The following FGF14 variants were observed in gnomAD, a reference collection of about 807,000 sequenced individuals.
FGF14 encodes the protein fibroblast growth factor 14.
A neutral mutation model predicts 25.5 loss-of-function variants in FGF14; 5 were observed. That is an observed-to-expected ratio of 0.20 (90% confidence interval 0.10 to 0.41). The LOEUF (loss-of-function observed/expected upper bound fraction) is 0.41. Among genes scored for constraint, FGF14 ranks in the 10% least tolerant of loss-of-function variants. The pLI, the probability that FGF14 is intolerant of heterozygous loss-of-function variation, is 1.00. For missense variants in FGF14, 222 were observed against 320.1 expected (o/e 0.69, Z 2.34); for synonymous variants, 138 against 118.3 (o/e 1.17, Z -1.08).
chr13:102,334,633 A>T (rs1004911027), intron 1 of FGF14, among the ~76,000 whole-genome samples: 17 of 152,174 alleles, frequency 1.1e-4, no homozygotes, highest in African/African-American at 4.1e-4. Context: ...TAGTTGGGAT[A>T]AAAAAAGTGT....
At chr13:102,366,176 T>C (rs753687004) in intron 1 of FGF14, among the ~76,000 whole-genome samples, 12 of 152,160 alleles carry the variant, frequency 7.9e-5, no homozygotes, top group Non-Finnish European at 1.3e-4. Context: ...CTGCTGCCTT[T>C]CACTGGAGTT....
At chr13:101,751,250 C>A (rs140068087) in intron 3 of FGF14, among the ~76,000 whole-genome samples, 1 of 151,994 alleles carries the variant, frequency 6.6e-6, no homozygotes, top group East Asian at 1.9e-4. Context: ...AAATTTGTAC[C>A]ATACTAATGT....
At chr13:102,355,286 C>T (rs568831497) in intron 1 of FGF14, among the ~76,000 whole-genome samples, 11 of 152,230 alleles carry the variant, frequency 7.2e-5, no homozygotes, top group East Asian at 5.8e-4. Flanking sequence ...GTCACATTAA[C>T]GACTGTTCAA....
At chr13:101,977,174 C>T (rs2037978257) in intron 1 of FGF14, among the ~76,000 whole-genome samples, 1 of 148,252 alleles carries the variant, frequency 6.7e-6, no homozygotes, top group African/African-American at 2.5e-5. Context: ...TAACAACACC[C>T]ATGAGGATCC....
At chr13:101,924,839 G>A (rs1038047328) in intron 1 of FGF14, among the ~76,000 whole-genome samples, 1 of 152,132 alleles carries the variant, frequency 6.6e-6, no homozygotes, top group Non-Finnish European at 1.5e-5. Flanking sequence ...CCACCCAGAA[G>A]TCAGCTATTT....
chr13:102,088,581 A>G (rs980652702), intron 1 of FGF14, among the ~76,000 whole-genome samples: 3 of 152,210 alleles, frequency 2.0e-5, no homozygotes, highest in Non-Finnish European at 4.4e-5. Context: ...TCACTGCAAT[A>G]TTTTCTAACT....
rs555484407 is a variant in FGF14 at position 102,167,067 on chromosome 13, G to A, written c.208+234404C>T. ...TGTAATCCCAGCACTTTGGGAGGCC[G>A]AGGCAGGTGGATCACCTGAGGTCAG... On this transcript the variant is annotated intron_variant, in intron 1 of 4. Coordinates refer to the FGF14 transcript ENST00000376131. Among the ~76,000 whole-genome samples the A allele has an allele frequency of 1.6e-4, 24 of 152,144 alleles. No homozygotes were observed. In the South Asian group the frequency reaches 5.0e-3, roughly 32 times the overall value.
chr13:102,160,371 A>AC (rs1361460692), intron 1 of FGF14, among the ~76,000 whole-genome samples: 1 of 151,528 alleles, frequency 6.6e-6, no homozygotes, highest in Non-Finnish European at 1.5e-5. Context: ...CATCCAGTCC[A>AC]CCCCCCAGAA....
intron 1 of FGF14, among the ~76,000 whole-genome samples, chr13:102,095,505 G>T (rs2044353257): frequency 6.6e-6 from 1 of 152,154 alleles, no homozygotes; most frequent in Admixed American, 6.6e-5. Context: ...AAAGCAAAAA[G>T]TTATACAGAA....
intron 1 of FGF14, among the ~76,000 whole-genome samples, chr13:102,190,825 G>T (rs940068546): frequency 6.6e-6 from 1 of 152,074 alleles, no homozygotes; most frequent in Non-Finnish European, 1.5e-5. Context: ...GAAATTCAAA[G>T]ATTCTTTATT....
chr13:102,317,926 T>G (rs1333550732), intron 1 of FGF14, among the ~76,000 whole-genome samples: 1 of 152,198 alleles, frequency 6.6e-6, no homozygotes, highest in East Asian at 1.9e-4. Flanking sequence ...CCAGCTCAGA[T>G]AAATCCTCCC....
At chr13:102,101,111 G>GA (rs79230981) in intron 1 of FGF14, among the ~76,000 whole-genome samples, 1,453 of 132,578 alleles carry the variant, frequency 0.011, 14 homozygotes, top group African/African-American at 0.031. Flanking sequence ...GCAACCCCAG[G>GA]AAAAAAAAAA....
chr13:101,803,111 G>C (rs1051148326), intron 3 of FGF14, among the ~76,000 whole-genome samples: 11 of 150,904 alleles, frequency 7.3e-5, no homozygotes, highest in African/African-American at 2.4e-4. Context: ...TTTTAGTTAA[G>C]TGCTGTCATT....
chr13:102,327,893 C>CAA (rs150526573), intron 1 of FGF14, among the ~76,000 whole-genome samples: 1 of 125,642 alleles, frequency 8.0e-6, no homozygotes, highest in Admixed American at 8.3e-5. Flanking sequence ...GACTCATTTC[C>CAA]AAAAAAAAAT....
chr13:102,189,110 A>G (rs1269500840), intron 1 of FGF14, among the ~76,000 whole-genome samples: 1 of 129,968 alleles, frequency 7.7e-6, no homozygotes, highest in Admixed American at 7.5e-5. Context: ...GGAGAGAGAG[A>G]TAGAGAGAGA....
chr13:102,282,250 G>A (rs1008980206), intron 1 of FGF14, among the ~76,000 whole-genome samples: 1 of 151,920 alleles, frequency 6.6e-6, no homozygotes, highest in Non-Finnish European at 1.5e-5. Context: ...ATTTTTAGTA[G>A]AGATGGGGTT....
intron 1 of FGF14, among the ~76,000 whole-genome samples, chr13:102,083,649 G>T (rs1181553704): frequency 6.6e-6 from 1 of 152,154 alleles, no homozygotes; most frequent in African/African-American, 2.4e-5. Context: ...GCCTATTCAG[G>T]CTGAACCAAT....
At chr13:102,105,679 A>C (rs1444425934) in intron 1 of FGF14, among the ~76,000 whole-genome samples, 1 of 152,198 alleles carries the variant, frequency 6.6e-6, no homozygotes, top group Non-Finnish European at 1.5e-5. Context: ...AATAGGGCTT[A>C]GCTGACACAC....
chr13:101,936,754 C>T (rs527491157), intron 1 of FGF14, among the ~76,000 whole-genome samples: 6 of 152,130 alleles, frequency 3.9e-5, no homozygotes, highest in African/African-American at 7.2e-5. Flanking sequence ...GAGCCCATGG[C>T]GTATATTGTC....
Sources: gnomAD v4.1 joint callset for allele counts (sites outside exome capture counted in the v4.1 genomes callset) on GRCh38, gnomAD v4.1.1 for gene constraint, MANE v1.5 for transcripts, NCBI Gene and HGNC (gene_info 2026-07-23, HGNC 2026-07-21) for gene names.